Variants in PCNT observed in about 807,000 individuals in gnomAD.
PCNT encodes the protein kendrin.
A neutral mutation model predicts 380.4 loss-of-function variants in PCNT; 319 were observed. The observed-to-expected ratio is 0.84, with a 90% confidence interval of 0.77 to 0.92. The LOEUF is 0.92. Among genes scored for constraint, PCNT ranks in the 40% least tolerant of loss-of-function variants. The probability of loss-of-function intolerance (pLI) is 0.00; values close to 1 mark genes in which losing one functional copy is unlikely to be tolerated. For synonymous variants in PCNT, 1,845 were observed against 1,735.2 expected, an observed-to-expected ratio of 1.06 and a Z score of -1.57; for missense variants, 4,400 against 4,255.3, an observed-to-expected ratio of 1.03 and a Z score of -0.95.
intron 9 of PCNT, 26 bp downstream of exon 9, chr21:46,351,566 G>C (rs182695816): frequency 7.7e-7 from 1 of 1,301,222 alleles, no homozygotes. Context: ...GGAAAATTCA[G>C]ATCCTCAAAA....
chr21:46,377,289 G>C (rs547480266), intron 15 of PCNT, among the ~76,000 whole-genome samples: 8 of 152,322 alleles, frequency 5.3e-5, no homozygotes, highest in African/African-American at 1.9e-4. Context: ...CAGATGTTCT[G>C]GAGCAGCAGG....
intron 1 of PCNT, chr21:46,324,855 C>A: frequency 6.1e-6 from 6 of 985,018 alleles, no homozygotes; most frequent in Non-Finnish European, 7.2e-6. Flanking sequence ...TCGCCTCGTC[C>A]GTCGGAGATG....
chr21:46,386,861 G>A (rs890963680), intron 17 of PCNT, among the ~76,000 whole-genome samples: 16 of 152,166 alleles, frequency 1.1e-4, no homozygotes, highest in East Asian at 1.9e-4. Context: ...CTTGGTGCGC[G>A]TCCTCCCCGT....
intron 11 of PCNT, 113 bp from the exon 12 acceptor site, chr21:46,355,339 C>T: frequency 8.9e-7 from 1 of 1,125,914 alleles, no homozygotes; most frequent in Non-Finnish European, 1.3e-6. Flanking sequence ...TCTCATGAAC[C>T]TAGTGAGGTT....
At chr21:46,426,027 A>G (rs1244510938) in intron 33 of PCNT, 56 bp downstream of exon 33, 9 of 1,544,178 alleles carry the variant, frequency 5.8e-6, no homozygotes, top group African/African-American at 1.4e-5. Flanking sequence ...GCTTGTGGTA[A>G]TGGCCGCGTC....
chr21:46,433,881 C>T (rs904296650), intron 38 of PCNT, among the ~76,000 whole-genome samples: 2 of 152,184 alleles, frequency 1.3e-5, no homozygotes, highest in Admixed American at 6.5e-5. Flanking sequence ...AAGTGATTCT[C>T]CTGCCTCAGC....
chr21:46,428,829 G>A (rs1601178250), intron 35 of PCNT, among the ~76,000 whole-genome samples: 1 of 152,188 alleles, frequency 6.6e-6, no homozygotes, highest in Non-Finnish European at 1.5e-5. Context: ...GAGGGGCCTG[G>A]GTTGGGCTCT....
rs1158167144 is a variant in PCNT at position 46,436,470 on chromosome 21, GCCCCC to G, written c.8996+336_8996+340del. ...AGGGTCGGGTTTGGAGCCTCCTGTGGCCCCCCCCCCCCCCCCCCGCTGGCACTGCC... is the reference window on the plus strand; with the variant it reads ...AGGGTCGGGTTTGGAGCCTCCTGTGGCCCCCCCCCCCCCGCTGGCACTGCC... On this transcript the variant is annotated intron_variant, in intron 39 of 46. Transcript: ENST00000359568. Among the ~76,000 whole-genome samples the G allele has an allele frequency of 4.8e-3, 23 of 4,752 alleles. 2 individuals are homozygous for G. The highest frequency in any genetic ancestry group is 0.011 in the Admixed American group (2 of 190). 3.1% of individuals were successfully genotyped at this position (4,752 alleles called of 152,430 possible).
chr21:46,385,807 A>C (rs1377205605), intron 16 of PCNT, 25 bp from the exon 17 acceptor site: 1 of 1,613,790 alleles, frequency 6.2e-7, no homozygotes, highest in Non-Finnish European at 8.5e-7. Context: ...GTTTTAACGA[A>C]AGCTTTAACC....
intron 20 of PCNT, 90 bp from the exon 21 acceptor site, chr21:46,391,072 CAG>C: frequency 2.3e-6 from 3 of 1,296,594 alleles, no homozygotes; most frequent in African/African-American, 2.9e-5. Flanking sequence ...CTGCTGCTCT[CAG>C]GGGCAGTGGC....
chr21:46,355,782 C>CTGA (rs1314410760), intron 12 of PCNT, among the ~76,000 whole-genome samples, 156 bp downstream of exon 12: 2 of 152,172 alleles, frequency 1.3e-5, no homozygotes, highest in African/African-American at 2.4e-5. Context: ...AGAGTGTGTC[C>CTGA]TGATGAGGGT....
In PCNT at chr21:46,384,493, GTGT is replaced by G. The variant is rs558391961; in HGVS notation, c.3313-1335_3313-1333del. ...ATTCAGTGGCAGAAGCGCATTCACGGTGTTGTACATTCAGTGACGGAAGAGCAT... is the reference window on the plus strand; with the variant it reads ...ATTCAGTGGCAGAAGCGCATTCACGGTGTACATTCAGTGACGGAAGAGCAT... On this transcript the variant is annotated intron_variant, in intron 16 of 46. Coordinates refer to ENST00000359568, the MANE Select transcript of PCNT (RefSeq NM_006031.6). Among the ~76,000 whole-genome samples the G allele has an allele frequency of 6.4e-4, 94 of 147,716 alleles. 9 individuals carry two copies. Among genetic ancestry groups the G allele is most frequent in the Admixed American group, 2.7e-3 (40 of 14,676 alleles).
intron 34 of PCNT, 41 bp from the exon 35 acceptor site, chr21:46,428,354 G>A: frequency 1.3e-6 from 2 of 1,582,168 alleles, no homozygotes; most frequent in Admixed American, 1.7e-5. Flanking sequence ...GCATGGGGTG[G>A]CTGCCCAATG....
At position 46,440,893 on chromosome 21, in the gene PCNT, C is replaced by T; in HGVS notation, c.9432C>T (p.Ser3144=). Residue 3144 remains serine, a synonymous_variant, in exon 43 of 47, where the codon AGC becomes AGT. Coordinates refer to ENST00000359568, the MANE Select transcript of PCNT (RefSeq NM_006031.6). ...KLYLHYLRAE[S]FRKALIYQKK... ...ACCTGCATTACTTGAGAGCAGAGAG[C>T]TTTAGAAAAGCTCTGATTTATCAAA... 1 of 1,613,114 alleles carries T rather than the reference C, an allele frequency of 6.2e-7. No homozygotes were observed. Among genetic ancestry groups the T allele is most frequent in the Non-Finnish European group, 8.5e-7 (1 of 1,179,098 alleles).
intron 29 of PCNT, 83 bp downstream of exon 29, chr21:46,413,075 G>A (rs4300932): frequency 0.04 from 18,882 of 474,336 alleles, 710 homozygotes; most frequent in Non-Finnish European, 0.051. Flanking sequence ...GGGAAGGCAC[G>A]AGGCCCACCC....
intron 9 of PCNT, among the ~76,000 whole-genome samples, 198 bp from the exon 10 acceptor site, chr21:46,352,906 C>T (rs935758335): frequency 6.6e-6 from 1 of 152,168 alleles, no homozygotes; most frequent in African/African-American, 2.4e-5. Context: ...GTGGCTCTTG[C>T]CACCGCTTGG....
At chr21:46,423,215 T>C (rs1485509047) in intron 32 of PCNT, among the ~76,000 whole-genome samples, 1 of 151,820 alleles carries the variant, frequency 6.6e-6, no homozygotes, top group Non-Finnish European at 1.5e-5. Flanking sequence ...TTTTTTTTTT[T>C]TTGGTGAGAC....
chr21:46,416,351 C>G lies in PCNT; in HGVS notation c.6433C>G (p.Gln2145Glu). 1.2e-6 allele frequency: 2 copies of G among 1,614,092 alleles called. No homozygotes were observed. The highest frequency in any genetic ancestry group is 1.7e-6 in the Non-Finnish European group (2 of 1,179,984). Residue 2145 changes from glutamine to glutamate, a missense_variant, in exon 30 of 47, where the codon CAG (glutamine) becomes GAG (glutamate). Transcript: ENST00000359568. ...GGGTGTAACTGATGTTATCAAAAAT[C>G]AGGCCATAGACGCGTGTGATGCCAA... ...TGGVTDVIKN[Q>E]AIDACDANTT... is the part of the protein sequence containing the mutation.
intron 15 of PCNT, among the ~76,000 whole-genome samples, chr21:46,377,893 C>T (rs570356060): frequency 6.6e-6 from 1 of 152,204 alleles, no homozygotes; most frequent in Admixed American, 6.5e-5. Context: ...ACTCCCCATT[C>T]TCCCTTCTCC....
Sources: gnomAD v4.1 joint callset for allele counts (sites outside exome capture counted in the v4.1 genomes callset) on GRCh38, gnomAD v4.1.1 for gene constraint, MANE v1.5 for transcripts, NCBI Gene and HGNC (gene_info 2026-07-23, HGNC 2026-07-21) for gene names.